ABCG1: variants seen among roughly 807,000 people sequenced by gnomAD.
ABCG1 encodes ATP-binding cassette sub-family G member 1.
In ABCG1, 29 loss-of-function variants were observed where a neutral mutation model predicts 69.2. The observed-to-expected ratio is 0.42, with a 90% CI of 0.31 to 0.57. The LOEUF (loss-of-function observed/expected upper bound fraction) is 0.57. ABCG1 is among the 20% of genes least tolerant of loss of function. The pLI, the probability that ABCG1 is intolerant of heterozygous loss-of-function variation, is 0.15. For synonymous variants in ABCG1, 370 were observed against 374.8 expected, an observed-to-expected ratio of 0.99 and a Z score of 0.15; for missense variants, 718 against 898.1, an observed-to-expected ratio of 0.80 and a Z score of 2.56.
intron 2 of ABCG1, among the ~76,000 whole-genome samples, chr21:42,258,543 G>T (rs2123679365): frequency 6.6e-6 from 1 of 151,706 alleles, no homozygotes; most frequent in Non-Finnish European, 1.5e-5. Flanking sequence ...CTCACTCTGG[G>T]ATTTGCAACT....
chr21:42,240,867 T>A (rs1396750687), intron 2 of ABCG1, among the ~76,000 whole-genome samples: 1 of 152,408 alleles, frequency 6.6e-6, no homozygotes, highest in Middle Eastern at 3.4e-3. Context: ...TAAGCCCTAC[T>A]GTCCATCTTC....
chr21:42,245,341 A>C (rs749581569), intron 2 of ABCG1, among the ~76,000 whole-genome samples: 7 of 152,134 alleles, frequency 4.6e-5, no homozygotes, highest in Non-Finnish European at 7.3e-5. Context: ...TGTAGTTATA[A>C]AAATTATTAA....
rs112802477 is a variant in ABCG1, at chr21:42,282,453, G to A, written c.734+34G>A. The stretch of plus-strand genomic sequence containing the variant: ...GGAGCATCTGAGCTGGTGTCCAGGG[G>A]CAGGAAGAACCCCCTGTATTCAGCG... On this transcript the variant is annotated intron_variant, in intron 6 of 14. Transcript: ENST00000398449. The A allele has an allele frequency of 2.3e-3, 3,620 of 1,592,864 alleles. 77 individuals are homozygous for A. The African/African-American group carries it at 0.042, about 18-fold the overall frequency.
intron 2 of ABCG1, among the ~76,000 whole-genome samples, chr21:42,250,812 T>C: frequency 6.6e-6 from 1 of 152,192 alleles, no homozygotes; most frequent in East Asian, 1.9e-4. Flanking sequence ...CATGCTGTGC[T>C]GCTGGCATGG....
intron 2 of ABCG1, among the ~76,000 whole-genome samples, chr21:42,242,313 C>T (rs575944330): frequency 6.6e-6 from 1 of 152,346 alleles, no homozygotes; most frequent in East Asian, 1.9e-4. Flanking sequence ...AGGCCAGCCT[C>T]AGCAACATAG....
At position 42,219,649 on chromosome 21, in the gene ABCG1, C is replaced by G. The variant is rs1341884052; in HGVS notation, c.42+345C>G. On this transcript the variant is annotated intron_variant, in intron 1 of 14. Coordinates refer to ENST00000398449, the MANE Select transcript of ABCG1 (RefSeq NM_016818.3). This position sits in a 1 kb window ranked among gnomAD's most constrained non-coding sequence, Gnocchi z 5.3. ...TGGGGAGCTGGGGACCCGGAGCGCACTGGGGACTGGGGAGGGGCCGCAGCT... is the reference window on the plus strand; with the variant it reads ...TGGGGAGCTGGGGACCCGGAGCGCAGTGGGGACTGGGGAGGGGCCGCAGCT... Among the ~76,000 whole-genome samples the G allele has an allele frequency of 1.3e-5, 2 of 151,564 alleles. No individual in the cohort carries two copies. Among genetic ancestry groups the G allele is most frequent in the Admixed American group, 6.6e-5 (1 of 15,244 alleles).
At chr21:42,247,120 T>C (rs1468750488) in intron 2 of ABCG1, among the ~76,000 whole-genome samples, 4 of 152,266 alleles carry the variant, frequency 2.6e-5, no homozygotes. Flanking sequence ...TGTCTTTCTC[T>C]GAGTAATTTT....
chr21:42,224,221 T>C (rs4148107), intron 1 of ABCG1, among the ~76,000 whole-genome samples: 75,821 of 151,950 alleles, frequency 0.5, 20,601 homozygotes, highest in African/African-American at 0.73. Flanking sequence ...AGATTTGGTG[T>C]TTTTGGGGCT....
At chr21:42,241,548 T>C (rs1187376872) in intron 2 of ABCG1, among the ~76,000 whole-genome samples, 5 of 150,700 alleles carry the variant, frequency 3.3e-5, no homozygotes, top group Admixed American at 6.6e-5. Context: ...GAGGTTGCAG[T>C]GAGCTGAGAT....
At chr21:42,244,070 C>T (rs1284131534) in intron 2 of ABCG1, among the ~76,000 whole-genome samples, 2 of 152,170 alleles carry the variant, frequency 1.3e-5, no homozygotes, top group Non-Finnish European at 2.9e-5. Context: ...CCGCCCATCT[C>T]GGCCTCCCAA....
At chr21:42,200,479 G>T (rs2067497484) in intron 1 of ABCG1, among the ~76,000 whole-genome samples, 1 of 152,010 alleles carries the variant, frequency 6.6e-6, no homozygotes, top group East Asian at 1.9e-4. Flanking sequence ...TATATCAGGG[G>T]TCCCCAAACT....
At chr21:42,282,812 A>G (rs427716) in intron 6 of ABCG1, among the ~76,000 whole-genome samples, 78,985 of 152,012 alleles carry the variant, frequency 0.52, 20,955 homozygotes, top group Middle Eastern at 0.65. Context: ...GCAGAGGCTC[A>G]GAGATGCCTG....
chr21:42,291,497 G>T lies in ABCG1; in HGVS notation c.1495-1G>T. ...CGCGGCTGACGGGTCCTTGTTTCCAGATCATGTTCCCAGTGGCCTACTGCA... is the reference window on the plus strand; with the variant it reads ...CGCGGCTGACGGGTCCTTGTTTCCATATCATGTTCCCAGTGGCCTACTGCA... On this transcript the variant is annotated splice_acceptor_variant, in intron 12 of 14. Coordinates refer to ENST00000398449, the MANE Select transcript of ABCG1 (RefSeq NM_016818.3). LOFTEE classifies it high-confidence loss of function. The surrounding 1 kb of genome is among the most constrained non-coding windows in gnomAD (Gnocchi z 6.4). 2 of 1,607,168 alleles carry T rather than the reference G, an allele frequency of 1.2e-6. No homozygotes were observed. The highest frequency in any genetic ancestry group is 1.3e-5 in the African/African-American group (1 of 74,962).
chr21:42,241,646 C>T (rs1181354453), intron 2 of ABCG1, among the ~76,000 whole-genome samples: 1 of 150,438 alleles, frequency 6.6e-6, no homozygotes, highest in African/African-American at 2.4e-5. Context: ...CCCAAAATCC[C>T]TAAGGTGTTT....
chr21:42,220,144 C>T, intron 1 of ABCG1: 1 of 1,098,332 alleles, frequency 9.1e-7, no homozygotes. Flanking sequence ...CAGCCACCCA[C>T]CTCACCTTAT....
In ABCG1 at chr21:42,273,556, G is replaced by A; in HGVS notation, c.537+121G>A. On this transcript the variant is annotated intron_variant, in intron 4 of 14. Coordinates refer to ENST00000398449, the MANE Select transcript of ABCG1 (RefSeq NM_016818.3). This position sits in a 1 kb window ranked among gnomAD's most constrained non-coding sequence, Gnocchi z 5.3. ...ACCCAAGGGCTCTGCCACGCGGCCTGCACAGGGCCAGCAACCTCCCTCTAG... is the reference window on the plus strand; with the variant it reads ...ACCCAAGGGCTCTGCCACGCGGCCTACACAGGGCCAGCAACCTCCCTCTAG... 1.7e-6 allele frequency: 2 copies of A among 1,206,130 alleles called. No homozygotes were observed. The highest frequency in any genetic ancestry group is 2.3e-6 in the Non-Finnish European group (2 of 880,336). The allele number at this position is 1,206,130 out of a possible 1,614,324, so 74.7% of individuals were successfully genotyped here.
chr21:42,260,124 G>C (rs544738327), intron 2 of ABCG1: 1 of 1,550,606 alleles, frequency 6.4e-7, no homozygotes, highest in Non-Finnish European at 8.7e-7. Context: ...GTTTCCTGGC[G>C]ATCCCATGGA....
At chr21:42,224,356 G>A (rs2067780036) in intron 1 of ABCG1, among the ~76,000 whole-genome samples, 1 of 152,220 alleles carries the variant, frequency 6.6e-6, no homozygotes, top group South Asian at 2.1e-4. Flanking sequence ...GGGACCAGCT[G>A]GGAGGAGGCT....
chr21:42,233,019 C>A (rs1016444730), intron 2 of ABCG1, among the ~76,000 whole-genome samples: 7 of 152,190 alleles, frequency 4.6e-5, no homozygotes, highest in Non-Finnish European at 1.0e-4. Context: ...AGTTCCAACA[C>A]CTGCATAGGA....
Sources: allele counts gnomAD v4.1 joint callset (sites outside exome capture counted in the v4.1 genomes callset), GRCh38; gene constraint gnomAD v4.1.1; non-coding constraint Gnocchi (gnomAD v3.1); transcripts MANE v1.5; gene names NCBI Gene and HGNC (gene_info 2026-07-23, HGNC 2026-07-21).